Variants in ANAPC1 observed in about 807,000 individuals in gnomAD.
ANAPC1 encodes anaphase-promoting complex subunit 1.
A neutral mutation model predicts 208.0 loss-of-function variants in ANAPC1; 36 were observed. The observed-to-expected ratio is 0.17, with a 90% CI of 0.13 to 0.23. ANAPC1 has a LOEUF of 0.23. Among genes scored for constraint, ANAPC1 ranks in the 10% least tolerant of loss-of-function variants. ANAPC1 has a pLI of 1.00. For synonymous variants in ANAPC1, 378 were observed against 695.2 expected, an observed-to-expected ratio of 0.54 and a Z score of 7.18; for missense variants, 942 against 2,011.6, an observed-to-expected ratio of 0.47 and a Z score of 10.17.
intron 39 of ANAPC1, among the ~76,000 whole-genome samples, chr2:111,785,820 G>C (rs893453377): frequency 6.7e-6 from 1 of 148,994 alleles, no homozygotes; most frequent in African/African-American, 2.5e-5. Flanking sequence ...CTCAACATAG[G>C]CATCTGTTTT....
intron 18 of ANAPC1, among the ~76,000 whole-genome samples, chr2:111,835,474 G>A (rs1472103846): frequency 9.2e-5 from 14 of 152,164 alleles, no homozygotes; most frequent in Admixed American, 7.2e-4. Flanking sequence ...TGATGTTTTT[G>A]TAAGGCTTAA....
intron 14 of ANAPC1, among the ~76,000 whole-genome samples, chr2:111,850,105 T>C (rs986933448): frequency 2.0e-5 from 3 of 152,134 alleles, no homozygotes; most frequent in Non-Finnish European, 4.4e-5. Context: ...GCCTAGCACA[T>C]AGAAAATGCT....
chr2:111,810,882 CAAAAAAA>C (rs1162540899), intron 28 of ANAPC1, among the ~76,000 whole-genome samples: 46 of 71,790 alleles, frequency 6.4e-4, no homozygotes, highest in Middle Eastern at 6.8e-3. Flanking sequence ...GACTCCACAT[CAAAAAAA>C]AAAAAAAAAA....
Position 111,880,855 on chromosome 2 carries a change from T to C in ANAPC1, c.-24-6A>G, listed in dbSNP as rs1683262906. 1.2e-6 allele frequency: 2 copies of C among 1,610,182 alleles called. No individual in the cohort carries two copies. Among genetic ancestry groups the C allele is most frequent in the Admixed American group, 1.7e-5 (1 of 59,842 alleles). On this transcript the variant is annotated splice_polypyrimidine_tract_variant and splice_region_variant and intron_variant, in intron 1 of 47. Transcript: ENST00000341068. ...TCCAAATATCAACATTATTTCTGTA[T>C]GAATTCAAACACATTCTGGTCAGCT...
intron 16 of ANAPC1, among the ~76,000 whole-genome samples, chr2:111,844,235 C>T (rs1190369996): frequency 6.6e-6 from 1 of 152,102 alleles, no homozygotes; most frequent in Non-Finnish European, 1.5e-5. Flanking sequence ...TAACTGCTCG[C>T]CTTCACTCTT....
chr2:111,868,537 C>T (rs1439384503), intron 6 of ANAPC1, among the ~76,000 whole-genome samples: 2 of 150,714 alleles, frequency 1.3e-5, no homozygotes, highest in Admixed American at 1.3e-4. Context: ...ATTAAGTCTG[C>T]TTTTTTTTTC....
At chr2:111,841,226 C>A (rs918072433) in intron 17 of ANAPC1, among the ~76,000 whole-genome samples, 17 of 151,764 alleles carry the variant, frequency 1.1e-4, no homozygotes, top group African/African-American at 4.1e-4. Flanking sequence ...CCAGGCAATA[C>A]CACAGGTCCT....
intron 24 of ANAPC1, among the ~76,000 whole-genome samples, chr2:111,823,403 C>A (rs1679656204): frequency 1.3e-5 from 2 of 151,886 alleles, no homozygotes; most frequent in Non-Finnish European, 2.9e-5. Flanking sequence ...ATAGGTCAAT[C>A]CACCCATTTG....
chr2:111,839,897 T>G (rs1680668299), intron 17 of ANAPC1, among the ~76,000 whole-genome samples: 2 of 152,124 alleles, frequency 1.3e-5, no homozygotes, highest in Admixed American at 6.6e-5. Flanking sequence ...TTTCAATGTG[T>G]CTCAGGTTAG....
chr2:111,842,700 C>G lies in ANAPC1; in HGVS notation c.2040+712G>C, dbSNP rs181803962. 9.4e-3 allele frequency among the ~76,000 whole-genome samples: 1,415 copies of G among 150,148 alleles called. 25 individuals carry two copies. Among genetic ancestry groups the G allele is most frequent in the African/African-American group, 0.033 (1,355 of 40,798 alleles). ...CAAGGCTAAAACATATAGAATGGTACAGCTGAGCTACCTGGAAAAGGGGTA... is the reference window on the plus strand; with the variant it reads ...CAAGGCTAAAACATATAGAATGGTAGAGCTGAGCTACCTGGAAAAGGGGTA... On this transcript the variant is annotated intron_variant, in intron 17 of 47. Coordinates refer to ENST00000341068, the MANE Select transcript of ANAPC1 (RefSeq NM_022662.4).
At position 111,829,791 on chromosome 2, in the gene ANAPC1, C is replaced by T. The variant is rs565860675; in HGVS notation, c.2625+1495G>A. 3.1e-3 allele frequency among the ~76,000 whole-genome samples: 473 copies of T among 152,128 alleles called. 23 individuals are homozygous for T. In the South Asian group the frequency reaches 0.094, roughly 30 times the overall value. ...AGCTGATTATAAAATCAGTATGGGA[C>T]GGGCACGGTGGCTCACACCTGTAAT... is the stretch of plus-strand genomic sequence containing the variant. On this transcript the variant is annotated intron_variant, in intron 21 of 47. Transcript: ENST00000341068.
At chr2:111,855,072 T>C (rs10170064) in intron 13 of ANAPC1, among the ~76,000 whole-genome samples, 88,380 of 151,990 alleles carry the variant, frequency 0.58, 26,625 homozygotes, top group South Asian at 0.69. Flanking sequence ...TTTGAAAACT[T>C]AGAGGCCATT....
At chr2:111,807,985 AATTTC>A (rs1284595532) in intron 29 of ANAPC1, among the ~76,000 whole-genome samples, 6 of 149,936 alleles carry the variant, frequency 4.0e-5, no homozygotes, top group African/African-American at 1.5e-4. Flanking sequence ...CTTTGGGAAT[AATTTC>A]ATTTATCATT....
chr2:111,866,931 G>GT (rs1232276583), intron 7 of ANAPC1, among the ~76,000 whole-genome samples: 2 of 152,120 alleles, frequency 1.3e-5, no homozygotes, highest in African/African-American at 2.4e-5. Context: ...AAATAGGGCA[G>GT]TTTGCTGTCC....
intron 47 of ANAPC1, 71 bp downstream of exon 47, chr2:111,772,270 C>T (rs1295437176): frequency 1.9e-6 from 3 of 1,611,674 alleles, no homozygotes; most frequent in Non-Finnish European, 2.5e-6. Context: ...GGGGCAGTAA[C>T]TACTGAGAAA....
At chr2:111,872,087 C>T (rs1682781799) in intron 6 of ANAPC1, among the ~76,000 whole-genome samples, 1 of 152,114 alleles carries the variant, frequency 6.6e-6, no homozygotes, top group African/African-American at 2.4e-5. Flanking sequence ...AGGGGGAATG[C>T]TTTCAACTTT....
At chr2:111,880,981 G>C (rs1683269499) in intron 1 of ANAPC1, 132 bp from the exon 2 acceptor site, 2 of 827,418 alleles carry the variant, frequency 2.4e-6, no homozygotes, top group Non-Finnish European at 3.7e-6. Context: ...ATATAAGTTG[G>C]TCATAACATA....
At chr2:111,808,021 T>A (rs1207022300) in intron 29 of ANAPC1, among the ~76,000 whole-genome samples, 4 of 147,248 alleles carry the variant, frequency 2.7e-5, no homozygotes, top group African/African-American at 7.4e-5. Flanking sequence ...AAATTATGGG[T>A]CCCAATCTTC....
rs192484296 is a variant in ANAPC1 at position 111,788,715 on chromosome 2, A to G, written c.4713-395T>C. ...TATATGCCTATGTATATAAATATAC[A>G]ATTATAAATCTGAGTTTTAAAAATA... On this transcript the variant is annotated intron_variant, in intron 38 of 47. Coordinates refer to ENST00000341068, the MANE Select transcript of ANAPC1 (RefSeq NM_022662.4). 9.5e-3 allele frequency among the ~76,000 whole-genome samples: 1,430 copies of G among 151,218 alleles called. 9 individuals carry two copies. The highest frequency in any genetic ancestry group is 0.033 in the African/African-American group (1,326 of 40,678).
Sources: allele counts gnomAD v4.1 joint callset (sites outside exome capture counted in the v4.1 genomes callset), GRCh38; gene constraint gnomAD v4.1.1; transcripts MANE v1.5; gene names NCBI Gene and HGNC (gene_info 2026-07-23, HGNC 2026-07-21).